Variants in ITGA9 observed in about 807,000 individuals in gnomAD.
ITGA9 encodes the protein integrin alpha-9.
Under a neutral mutation model 127.8 loss-of-function variants are expected in ITGA9, and 56 were observed. The ratio of observed to expected loss-of-function variants is 0.44; its 90% CI spans 0.35 to 0.55. The LOEUF is 0.55. Among genes scored for constraint, ITGA9 ranks in the 20% least tolerant of loss-of-function variants. The pLI is 0.00. For missense variants in ITGA9, 1,196 were observed against 1,347.1 expected, an observed-to-expected ratio of 0.89 and a Z score of 1.76; for synonymous variants, 508 against 514.5, an observed-to-expected ratio of 0.99 and a Z score of 0.17.
intron 17 of ITGA9, among the ~76,000 whole-genome samples, chr3:37,666,851 C>T (rs1700591421): frequency 1.3e-5 from 2 of 152,164 alleles, no homozygotes; most frequent in Admixed American, 1.3e-4. Flanking sequence ...GCACTTTGTC[C>T]TGCAGGGAAA....
intron 27 of ITGA9, among the ~76,000 whole-genome samples, chr3:37,817,099 G>A (rs1477493224): frequency 6.6e-6 from 1 of 152,226 alleles, no homozygotes; most frequent in East Asian, 1.9e-4. Flanking sequence ...CCATCAGGGT[G>A]GCTGTGATGC....
At chr3:37,621,523 G>C (rs1211827057) in intron 15 of ITGA9, among the ~76,000 whole-genome samples, 1 of 152,198 alleles carries the variant, frequency 6.6e-6, no homozygotes, top group Non-Finnish European at 1.5e-5. Context: ...GCTCAAGACA[G>C]AGCTGAGATC....
chr3:37,743,930 A>T lies in ITGA9; in HGVS notation c.2329A>T (p.Met777Leu), dbSNP rs1344965867. 4.3e-6 allele frequency: 7 copies of T among 1,610,838 alleles called. No homozygotes were observed. Among genetic ancestry groups the T allele is most frequent in the Non-Finnish European group, 5.9e-6 (7 of 1,177,128 alleles). Residue 777 changes from methionine (M) to leucine (L), a missense_variant, in exon 22 of 28, where the codon ATG becomes TTG. Transcript: ENST00000264741. ...HEVDTSITGI[M>L]SPTSFVYGES... ...TTTCATGCTTTCCTCTTTCAGAATC[A>T]TGTCTCCAACCTCCTTTGTATATGG... is the stretch of plus-strand genomic sequence containing the variant.
intron 27 of ITGA9, chr3:37,807,838 TGA>T (rs1697317223): frequency 6.6e-6 from 1 of 152,330 alleles, no homozygotes; most frequent in Middle Eastern, 3.1e-3. Context: ...CAGTTGGACT[TGA>T]GAGGTCAGGG....
At chr3:37,643,538 G>C (rs894978782) in intron 16 of ITGA9, among the ~76,000 whole-genome samples, 4 of 152,084 alleles carry the variant, frequency 2.6e-5, no homozygotes, top group African/African-American at 9.7e-5. Flanking sequence ...TGCATTCTAG[G>C]CTTCTGAAAC....
chr3:37,729,753 G>GAGTGCAGT (rs1696264214), intron 18 of ITGA9, among the ~76,000 whole-genome samples: 1 of 143,012 alleles, frequency 7.0e-6, no homozygotes, highest in African/African-American at 2.6e-5. Flanking sequence ...CACCAGGCTG[G>GAGTGCAGT]AGTGCAGTGG....
At chr3:37,672,217 C>G (rs1700642812) in intron 17 of ITGA9, among the ~76,000 whole-genome samples, 1 of 152,008 alleles carries the variant, frequency 6.6e-6, no homozygotes, top group South Asian at 2.1e-4. Flanking sequence ...TGGCTGTGTC[C>G]CCACCTAAAT....
In ITGA9 at chr3:37,740,827, G is replaced by A. The variant is rs62241530; in HGVS notation, c.2235-903G>A. Among the ~76,000 whole-genome samples the A allele has an allele frequency of 6.9e-3, 1,048 of 152,242 alleles. 12 individuals are homozygous for A. Among genetic ancestry groups the A allele is most frequent in the Admixed American group, 0.019 (292 of 15,292 alleles). On this transcript the variant is annotated intron_variant, in intron 20 of 27. Coordinates refer to ENST00000264741, the MANE Select transcript of ITGA9 (RefSeq NM_002207.3). Reference sequence around the variant, plus strand: ...CCCGTTCTGTGCTTTCTCACCCGGAGGCCTTATGTGGATGTATTTTAGAAT... The same window carrying A: ...CCCGTTCTGTGCTTTCTCACCCGGAAGCCTTATGTGGATGTATTTTAGAAT...
At chr3:37,787,014 G>A (rs1697049962) in intron 26 of ITGA9, among the ~76,000 whole-genome samples, 1 of 152,212 alleles carries the variant, frequency 6.6e-6, no homozygotes, top group Non-Finnish European at 1.5e-5. Flanking sequence ...CTTAGGGTCA[G>A]TTTTTCTGGC....
intron 24 of ITGA9, among the ~76,000 whole-genome samples, chr3:37,778,883 T>C (rs375473870): frequency 0.031 from 4,579 of 147,152 alleles, 96 homozygotes; most frequent in Non-Finnish European, 0.049. Flanking sequence ...TTTTTTTTTT[T>C]TTTTTTTTTT....
At chr3:37,546,123 T>G (rs912446253) in intron 15 of ITGA9, among the ~76,000 whole-genome samples, 2 of 152,208 alleles carry the variant, frequency 1.3e-5, no homozygotes. Flanking sequence ...TACCTTTCTA[T>G]AAGCAGAAAA....
intron 23 of ITGA9, among the ~76,000 whole-genome samples, chr3:37,760,122 G>A (rs532357471): frequency 6.6e-5 from 10 of 152,014 alleles, no homozygotes; most frequent in East Asian, 3.9e-4. Flanking sequence ...TCAGGAGGCC[G>A]AGGCAGGAGA....
intron 2 of ITGA9, among the ~76,000 whole-genome samples, chr3:37,471,970 C>T (rs1443563297): frequency 6.6e-6 from 1 of 152,208 alleles, no homozygotes; most frequent in African/African-American, 2.4e-5. Context: ...AGGAGGATCA[C>T]TTGAACCCAG....
At chr3:37,802,185 A>G (rs376849471) in intron 26 of ITGA9, among the ~76,000 whole-genome samples, 1 of 152,178 alleles carries the variant, frequency 6.6e-6, no homozygotes, top group East Asian at 1.9e-4. Flanking sequence ...GGTGTGGAAG[A>G]CCTCATAGGG....
At chr3:37,714,912 C>T (rs2125680499) in intron 18 of ITGA9, among the ~76,000 whole-genome samples, 1 of 152,330 alleles carries the variant, frequency 6.6e-6, no homozygotes, top group East Asian at 1.9e-4. Flanking sequence ...CAGCATGGGA[C>T]CTGATCACTC....
chr3:37,501,811 C>T (rs1010969987), intron 5 of ITGA9, among the ~76,000 whole-genome samples: 12 of 152,182 alleles, frequency 7.9e-5, no homozygotes, highest in South Asian at 6.2e-4. Context: ...GAGGGAGTTC[C>T]GAAGACCAGA....
At chr3:37,543,291 G>A (rs2125591376) in intron 15 of ITGA9, among the ~76,000 whole-genome samples, 1 of 152,252 alleles carries the variant, frequency 6.6e-6, no homozygotes, top group East Asian at 1.9e-4. Flanking sequence ...GGGTCAGAGA[G>A]CGGAGGAGGT....
At chr3:37,601,955 A>C (rs1186879983) in intron 15 of ITGA9, among the ~76,000 whole-genome samples, 2 of 152,166 alleles carry the variant, frequency 1.3e-5, no homozygotes, top group Non-Finnish European at 2.9e-5. Flanking sequence ...TGTGGAGATC[A>C]CATGGTGAGA....
At chr3:37,490,814 G>A (rs1255436978) in intron 4 of ITGA9, among the ~76,000 whole-genome samples, 1 of 152,140 alleles carries the variant, frequency 6.6e-6, no homozygotes, top group Non-Finnish European at 1.5e-5. Flanking sequence ...GAATGGAGGA[G>A]CCATACGACT....
Sources: gnomAD v4.1 joint callset for allele counts (sites outside exome capture counted in the v4.1 genomes callset) on GRCh38, gnomAD v4.1.1 for gene constraint, MANE v1.5 for transcripts, NCBI Gene and HGNC (gene_info 2026-07-23, HGNC 2026-07-21) for gene names.